Variants in NID2 observed in about 807,000 individuals in gnomAD.
NID2 encodes the protein nidogen-2.
In NID2, 83 loss-of-function variants were observed where a neutral mutation model predicts 145.4. That is an observed-to-expected ratio of 0.57 (90% CI 0.48 to 0.69). The LOEUF is 0.69. Ranked by LOEUF, NID2 falls within the 30% of genes least tolerant of loss-of-function variation. The pLI is 0.00. For synonymous variants in NID2, 739 were observed against 701.3 expected, an observed-to-expected ratio of 1.05 and a Z score of -0.85; for missense variants, 1,807 against 1,765.7, an observed-to-expected ratio of 1.02 and a Z score of -0.42.
At chr14:52,025,845 AT>A (rs143398894) in intron 12 of NID2, among the ~76,000 whole-genome samples, 68,929 of 152,006 alleles carry the variant, frequency 0.45, 16,571 homozygotes, top group South Asian at 0.57. Context: ...AAGTTTCAAC[AT>A]GAGTTTTGAA....
At chr14:52,058,230 A>G (rs991810514) in intron 3 of NID2, among the ~76,000 whole-genome samples, 2 of 152,392 alleles carry the variant, frequency 1.3e-5, no homozygotes, top group African/African-American at 4.8e-5. Context: ...AAAGACCCCT[A>G]TAAGAAGTGA....
chr14:52,059,606 G>A (rs1271709351), intron 3 of NID2, among the ~76,000 whole-genome samples: 1 of 152,242 alleles, frequency 6.6e-6, no homozygotes. Context: ...GGCAGACACT[G>A]ATGAGTCTAA....
At chr14:52,030,568 G>GAAAGAAAAA (rs1555363723) in intron 9 of NID2, among the ~76,000 whole-genome samples, 1 of 37,696 alleles carries the variant, frequency 2.7e-5, no homozygotes, top group African/African-American at 9.3e-5. Context: ...AAGAAAGAAA[G>GAAAGAAAAA]GAAGGAAGGG....
chr14:52,028,678 A>G (rs780062826), intron 11 of NID2, 44 bp downstream of exon 11: 1 of 1,602,836 alleles, frequency 6.2e-7, no homozygotes, highest in Non-Finnish European at 8.5e-7. Flanking sequence ...GCAAGATTAA[A>G]GAGCACCATT....
At chr14:52,063,954 C>T (rs1035030294) in intron 2 of NID2, among the ~76,000 whole-genome samples, 1 of 152,210 alleles carries the variant, frequency 6.6e-6, no homozygotes, top group East Asian at 1.9e-4. Context: ...AAAACGTCAG[C>T]ATTTCTAATT....
chr14:52,040,473 T>C (rs377098778), intron 8 of NID2, among the ~76,000 whole-genome samples, 178 bp downstream of exon 8: 1 of 152,350 alleles, frequency 6.6e-6, no homozygotes, highest in Non-Finnish European at 1.5e-5. Context: ...TAGCAGCCAT[T>C]CTGCTCACTT....
intron 21 of NID2, 55 bp from the exon 22 acceptor site, chr14:52,005,551 A>T: frequency 6.4e-7 from 1 of 1,569,160 alleles, no homozygotes; most frequent in Non-Finnish European, 8.7e-7. Context: ...ATTGTAACCA[A>T]GTTGCAACAG....
intron 9 of NID2, among the ~76,000 whole-genome samples, chr14:52,038,444 C>T (rs1336507528): frequency 6.6e-6 from 1 of 152,236 alleles, no homozygotes; most frequent in African/African-American, 2.4e-5. Context: ...CACTCTCCCT[C>T]CTAATTCCAG....
chr14:52,032,804 G>GAAAAAAAAAAAAAA (rs3030384), intron 9 of NID2, among the ~76,000 whole-genome samples: 106 of 141,838 alleles, frequency 7.5e-4, no homozygotes, highest in African/African-American at 2.7e-3. Flanking sequence ...GGCATTAAAA[G>GAAAAAAAAAAAAAA]AAAAAAAAAA....
intron 18 of NID2, 189 bp downstream of exon 18, chr14:52,010,687 T>C: frequency 3.6e-6 from 2 of 557,062 alleles, no homozygotes; most frequent in Non-Finnish European, 6.4e-6. Context: ...ATAAGTGCCA[T>C]GAAAGAACAG....
At chr14:52,035,212 T>C (rs1892012064) in intron 9 of NID2, among the ~76,000 whole-genome samples, 1 of 152,206 alleles carries the variant, frequency 6.6e-6, no homozygotes, top group African/African-American at 2.4e-5. Context: ...TAACCAACAT[T>C]ACAATATCAT....
At chr14:52,012,967 G>C (rs1250882818) in intron 16 of NID2, among the ~76,000 whole-genome samples, 1 of 152,182 alleles carries the variant, frequency 6.6e-6, no homozygotes, top group East Asian at 1.9e-4. Flanking sequence ...TACAAAACGG[G>C]ATTTGGCTTC....
At chr14:52,047,403 T>C (rs985299156) in intron 5 of NID2, among the ~76,000 whole-genome samples, 3 of 150,070 alleles carry the variant, frequency 2.0e-5, no homozygotes, top group Non-Finnish European at 4.4e-5. Flanking sequence ...GCAGGAGGGG[T>C]GTGTGGGCAT....
At chr14:52,068,736 G>A (rs368377021) in intron 1 of NID2, 31 bp downstream of exon 1, 5 of 1,571,574 alleles carry the variant, frequency 3.2e-6, no homozygotes, top group Non-Finnish European at 4.3e-6. Flanking sequence ...AAGAAGCTGC[G>A]GGAAAAGTGC....
chr14:52,011,935 C>A, intron 16 of NID2: 1 of 419,386 alleles, frequency 2.4e-6, no homozygotes, highest in Admixed American at 3.5e-5. Context: ...AGTGTACCTG[C>A]CTCATATGGT....
rs149491986 is a variant in NID2 at position 52,040,783 on chromosome 14, T to C, written c.1894A>G (p.Thr632Ala). Residue 632 changes from threonine (T) to alanine (A), a missense_variant, in exon 8 of 22, where the codon ACT (threonine) becomes GCT (alanine). Transcript: ENST00000216286. ...PGEETVRITQ[T>A]AEGLDPENYL... ...TTCTCTGGGTCAAGTCCCTCAGCAGTTTGAGTGATACGAACCGTCTCCTCT... is the reference window on the plus strand; with the variant it reads ...TTCTCTGGGTCAAGTCCCTCAGCAGCTTGAGTGATACGAACCGTCTCCTCT... The C allele has an allele frequency of 1.1e-3, 1,810 of 1,614,194 alleles. 10 individuals are homozygous for C. In the African/African-American group the frequency reaches 0.018, roughly 16 times the overall value.
intron 12 of NID2, among the ~76,000 whole-genome samples, chr14:52,022,973 T>C (rs555619318): frequency 6.6e-6 from 1 of 152,178 alleles, no homozygotes; most frequent in Non-Finnish European, 1.5e-5. Context: ...TCTGTTCAAT[T>C]GGGCACCCTG....
chr14:52,041,192 A>T (rs1892267998), intron 7 of NID2, among the ~76,000 whole-genome samples: 1 of 152,148 alleles, frequency 6.6e-6, no homozygotes, highest in African/African-American at 2.4e-5. Flanking sequence ...AAAAACAAAA[A>T]CAAATAAACT....
intron 16 of NID2, 67 bp from the exon 17 acceptor site, chr14:52,011,750 C>A: frequency 6.3e-7 from 1 of 1,582,372 alleles, no homozygotes; most frequent in Non-Finnish European, 8.6e-7. Flanking sequence ...CACTCAGCTG[C>A]CTTGCTCATG....
Sources: gnomAD v4.1 joint callset for allele counts (sites outside exome capture counted in the v4.1 genomes callset) on GRCh38, gnomAD v4.1.1 for gene constraint, MANE v1.5 for transcripts, NCBI Gene and HGNC (gene_info 2026-07-23, HGNC 2026-07-21) for gene names.